COL25A1: variants seen among roughly 807,000 people sequenced by gnomAD.
The protein encoded by COL25A1 is collagen alpha-1(XXV) chain.
A neutral mutation model predicts 128.4 loss-of-function variants in COL25A1; 103 were observed. The ratio of observed to expected loss-of-function variants is 0.80; its 90% CI spans 0.68 to 0.94. The LOEUF is 0.94. Among genes scored for constraint, COL25A1 ranks in the 40% least tolerant of loss-of-function variants. The pLI is 0.00. For missense variants in COL25A1, 745 were observed against 840.0 expected, an observed-to-expected ratio of 0.89 and a Z score of 1.40; for synonymous variants, 279 against 277.2, an observed-to-expected ratio of 1.01 and a Z score of -0.06.
intron 5 of COL25A1, among the ~76,000 whole-genome samples, chr4:109,028,062 T>C (rs1758480899): frequency 6.6e-6 from 1 of 152,188 alleles, no homozygotes; most frequent in African/African-American, 2.4e-5. Context: ...TGAGGCAATG[T>C]AAATAAGGAA....
intron 3 of COL25A1, among the ~76,000 whole-genome samples, chr4:109,087,047 A>C (rs1216047095): frequency 6.6e-6 from 1 of 152,184 alleles, no homozygotes; most frequent in Non-Finnish European, 1.5e-5. Context: ...TCCTACTCAG[A>C]ATGCAAGTAT....
chr4:108,930,359 C>T (rs1247259255), intron 11 of COL25A1, among the ~76,000 whole-genome samples: 1 of 152,152 alleles, frequency 6.6e-6, no homozygotes, highest in African/African-American at 2.4e-5. Flanking sequence ...CCTACCACCC[C>T]ACCCAGCCAC....
At chr4:109,187,486 T>C (rs1351536405) in intron 3 of COL25A1, among the ~76,000 whole-genome samples, 4 of 152,208 alleles carry the variant, frequency 2.6e-5, no homozygotes, top group Non-Finnish European at 4.4e-5. Flanking sequence ...ATTTGTAAGA[T>C]TGCCTCATAG....
chr4:108,940,563 G>T lies in COL25A1; in HGVS notation c.648C>A (p.Gly216=), dbSNP rs758629387. ...RGPPGDTGKD[G]PRGMPGVPGE... ...CGGGTACTCCTGGCATTCCACGGGGGCCATCTTTCCCTGTGTCCCCAGGTG... is the reference window on the plus strand; with the variant it reads ...CGGGTACTCCTGGCATTCCACGGGGTCCATCTTTCCCTGTGTCCCCAGGTG... The change falls in exon 10 of 38, where the codon GGC becomes GGA. Residue 216 remains glycine, a synonymous_variant. Transcript: ENST00000399132. The T allele has an allele frequency of 3.1e-6, 5 of 1,613,682 alleles. No homozygotes were observed. The highest frequency in any genetic ancestry group is 3.4e-6 in the Non-Finnish European group (4 of 1,179,758).
At chr4:108,856,360 T>G (rs973625407) in intron 24 of COL25A1, among the ~76,000 whole-genome samples, 1 of 152,204 alleles carries the variant, frequency 6.6e-6, no homozygotes, top group African/African-American at 2.4e-5. Context: ...AATTTTATAT[T>G]TCTAATATGG....
intron 3 of COL25A1, among the ~76,000 whole-genome samples, chr4:109,258,830 C>T (rs1464365301): frequency 6.6e-6 from 1 of 151,984 alleles, no homozygotes; most frequent in Non-Finnish European, 1.5e-5. Flanking sequence ...CTAAAGGATC[C>T]TCTCATTCTC....
At chr4:109,159,584 T>C (rs1485463352) in intron 3 of COL25A1, among the ~76,000 whole-genome samples, 2 of 152,070 alleles carry the variant, frequency 1.3e-5, no homozygotes, top group African/African-American at 4.8e-5. Flanking sequence ...TTGAGTAATT[T>C]GATAGTACGA....
At chr4:109,175,757 T>C (rs939243840) in intron 3 of COL25A1, among the ~76,000 whole-genome samples, 1 of 152,120 alleles carries the variant, frequency 6.6e-6, no homozygotes, top group Non-Finnish European at 1.5e-5. Context: ...CATAGTAGAG[T>C]TGAAAATACA....
chr4:108,890,864 C>T (rs1741402773), intron 16 of COL25A1, among the ~76,000 whole-genome samples: 1 of 152,206 alleles, frequency 6.6e-6, no homozygotes, highest in Admixed American at 6.5e-5. Context: ...TTTCTCTCCC[C>T]TCTGCCCATG....
intron 3 of COL25A1, among the ~76,000 whole-genome samples, chr4:109,070,687 TCCCCCCA>T (rs1371254419): frequency 2.7e-5 from 2 of 74,368 alleles, no homozygotes; most frequent in African/African-American, 5.6e-5. Context: ...CCCTCCCCCC[TCCCCCCA>T]CCCCACAACA....
chr4:108,889,417 ATTTTTTTTTT>A (rs34358532), intron 17 of COL25A1, among the ~76,000 whole-genome samples, 161 bp from the exon 18 acceptor site: 1 of 130,478 alleles, frequency 7.7e-6, no homozygotes, highest in South Asian at 2.6e-4. Context: ...AGACATACGG[ATTTTTTTTTT>A]TTTTTTTTTT....
chr4:109,295,044 G>A (rs1306636217), intron 3 of COL25A1, among the ~76,000 whole-genome samples: 1 of 151,968 alleles, frequency 6.6e-6, no homozygotes, highest in Non-Finnish European at 1.5e-5. Context: ...GGCCCTGAGA[G>A]GCTTCTTATG....
At chr4:109,246,199 T>C (rs1780256694) in intron 3 of COL25A1, among the ~76,000 whole-genome samples, 1 of 152,122 alleles carries the variant, frequency 6.6e-6, no homozygotes, top group Admixed American at 6.6e-5. Flanking sequence ...ACGATTATAA[T>C]GATTAATATT....
chr4:108,887,673 T>C (rs1740991450), intron 18 of COL25A1, among the ~76,000 whole-genome samples: 1 of 152,204 alleles, frequency 6.6e-6, no homozygotes, highest in Non-Finnish European at 1.5e-5. Context: ...TGAGTAAATC[T>C]ATAAACTTCC....
chr4:109,134,683 C>G (rs997972718), intron 3 of COL25A1, among the ~76,000 whole-genome samples: 1 of 151,910 alleles, frequency 6.6e-6, no homozygotes, highest in South Asian at 2.1e-4. Flanking sequence ...CAGGAACCCA[C>G]GATTATTGTA....
intron 3 of COL25A1, among the ~76,000 whole-genome samples, chr4:109,068,748 G>C (rs968284876): frequency 1.3e-5 from 2 of 152,112 alleles, no homozygotes; most frequent in Non-Finnish European, 1.5e-5. Flanking sequence ...TACTAAATAT[G>C]ACCTCACGAA....
At chr4:109,269,081 C>G (rs190994013) in intron 3 of COL25A1, among the ~76,000 whole-genome samples, 2 of 110,882 alleles carry the variant, frequency 1.8e-5, no homozygotes, top group Non-Finnish European at 3.6e-5. Context: ...ATCCCTCCCC[C>G]CTCCCCCCAC....
At chr4:108,868,938 AAG>A in intron 20 of COL25A1, 148 bp downstream of exon 20, 1 of 551,444 alleles carries the variant, frequency 1.8e-6, no homozygotes, top group Non-Finnish European at 3.2e-6. Flanking sequence ...GAAGGAAGGA[AAG>A]AAAGAAAAGA....
At chr4:109,253,335 T>G (rs1210976295) in intron 3 of COL25A1, among the ~76,000 whole-genome samples, 1 of 152,154 alleles carries the variant, frequency 6.6e-6, no homozygotes, top group Non-Finnish European at 1.5e-5. Context: ...ACCTGAGTCC[T>G]AAGGCCTGAG....
Sources: allele counts gnomAD v4.1 joint callset (sites outside exome capture counted in the v4.1 genomes callset), GRCh38; gene constraint gnomAD v4.1.1; transcripts MANE v1.5; gene names NCBI Gene and HGNC (gene_info 2026-07-23, HGNC 2026-07-21).